Variants in ZNF618 observed in about 807,000 individuals in gnomAD.
ZNF618 encodes zinc finger protein 618.
Under a neutral mutation model 103.0 loss-of-function variants are expected in ZNF618, and 34 were observed. The observed-to-expected ratio is 0.33, with a 90% CI of 0.25 to 0.44. ZNF618 has a LOEUF of 0.44. ZNF618 is among the 20% of genes least tolerant of loss of function. The pLI is 1.00. For synonymous variants in ZNF618, 551 were observed against 542.2 expected (o/e 1.02, Z -0.23); for missense variants, 1,059 against 1,295.4 (o/e 0.82, Z 2.80).
chr9:113,990,731 C>T (rs1048926164), intron 3 of ZNF618, among the ~76,000 whole-genome samples: 16 of 152,188 alleles, frequency 1.1e-4, no homozygotes, highest in African/African-American at 2.7e-4. Flanking sequence ...ACTAGTCACA[C>T]GGCCCCACCC....
intron 3 of ZNF618, among the ~76,000 whole-genome samples, chr9:113,995,505 C>T (rs1382483074): frequency 6.6e-6 from 1 of 152,110 alleles, no homozygotes; most frequent in East Asian, 1.9e-4. Flanking sequence ...TAATTCCTAT[C>T]TTTTGGTTTT....
At chr9:114,020,402 G>C (rs940478270) in intron 10 of ZNF618, among the ~76,000 whole-genome samples, 2 of 152,022 alleles carry the variant, frequency 1.3e-5, no homozygotes, top group African/African-American at 2.4e-5. Flanking sequence ...GATCAATTTG[G>C]GGAGAATCAT....
At chr9:113,883,992 C>A (rs954323657) in intron 1 of ZNF618, among the ~76,000 whole-genome samples, 6 of 46,556 alleles carry the variant, frequency 1.3e-4, no homozygotes, top group African/African-American at 3.9e-4. Flanking sequence ...GCCCCCCCCC[C>A]CCCCCCCCCC....
chr9:113,913,450 T>G (rs1337074726), intron 1 of ZNF618, among the ~76,000 whole-genome samples: 2 of 152,246 alleles, frequency 1.3e-5, no homozygotes, highest in Admixed American at 6.5e-5. Context: ...ACTAGCAATG[T>G]TCTTTAGCCA....
chr9:113,985,812 G>A (rs756763662), intron 2 of ZNF618, among the ~76,000 whole-genome samples: 11 of 152,224 alleles, frequency 7.2e-5, no homozygotes, highest in Non-Finnish European at 1.5e-4. Flanking sequence ...CAGTGCCACA[G>A]TTCCTAGACT....
At position 114,053,238 on chromosome 9, in the gene ZNF618, A is replaced by G. The variant is rs932510141; in HGVS notation, c.*3071A>G. The G allele has an allele frequency of 2.0e-5, 3 of 152,370 alleles. No individual in the cohort carries two copies. The highest frequency in any genetic ancestry group is 4.4e-5 in the Non-Finnish European group (3 of 68,034). The allele number at this position is 152,370 out of a possible 1,614,324, so 9.4% of individuals were successfully genotyped here. ...ATCTCCAACAATATCCACCTCACCA[A>G]ATTCTAGTTCAGCCAAAGGATTGAG... On this transcript the variant is annotated 3_prime_UTR_variant, in exon 15 of 15. Transcript: ENST00000374126.
At chr9:113,967,960 C>T (rs1294100832) in intron 1 of ZNF618, among the ~76,000 whole-genome samples, 1 of 151,844 alleles carries the variant, frequency 6.6e-6, no homozygotes, top group East Asian at 1.9e-4. Flanking sequence ...TTATACATTG[C>T]CGATTTGTTT....
chr9:114,047,675 A>G (rs150532568), intron 13 of ZNF618, among the ~76,000 whole-genome samples: 34 of 152,294 alleles, frequency 2.2e-4, no homozygotes, highest in African/African-American at 8.2e-4. Flanking sequence ...CTTACCAGCA[A>G]TAGTGTAATG....
intron 2 of ZNF618, among the ~76,000 whole-genome samples, chr9:113,978,239 C>T (rs144549444): frequency 0.01 from 1,578 of 152,346 alleles, 46 homozygotes; most frequent in Admixed American, 0.055. Flanking sequence ...GCATGGGCCT[C>T]GCTCCTGTCA....
At position 113,903,477 on chromosome 9, in the gene ZNF618, T is replaced by C. The variant is rs559389411; in HGVS notation, c.33+27064T>C. On this transcript the variant is annotated intron_variant, in intron 1 of 14. Transcript: ENST00000374126. ...TTAGCCCCAATAAATCTGCCTCTGT[T>C]TTTTTTTTTTAATCAACACTCAGTA... is the stretch of plus-strand genomic sequence containing the variant. Among the ~76,000 whole-genome samples the C allele has an allele frequency of 1.5e-3, 221 of 149,152 alleles. 1 individual carries two copies. The highest frequency in any genetic ancestry group is 5.1e-3 in the African/African-American group (206 of 40,296).
chr9:114,012,364 AG>A (rs1657861128), intron 9 of ZNF618, among the ~76,000 whole-genome samples: 1 of 152,172 alleles, frequency 6.6e-6, no homozygotes, highest in Non-Finnish European at 1.5e-5. Context: ...TGAAAGAGAG[AG>A]AGAGCAAGCT....
chr9:114,050,304 T>A lies in ZNF618; in HGVS notation c.*137T>A. The A allele has an allele frequency of 9.1e-7, 1 of 1,098,902 alleles. No homozygotes were observed. The highest frequency in any genetic ancestry group is 1.3e-6 in the Non-Finnish European group (1 of 786,484). 68.1% of individuals were successfully genotyped at this position (1,098,902 alleles called of 1,614,324 possible). A position where few individuals can be genotyped will look rare whatever the true frequency, so the allele number is the denominator to read the frequency against. ...TATAAATGCCCCCTGGAAACTTAAG[T>A]GCTTTTTTTATATGTGTGTGTGTGC... On this transcript the variant is annotated 3_prime_UTR_variant, in exon 15 of 15. Transcript: ENST00000374126.
At chr9:114,012,569 A>G (rs146873697) in intron 9 of ZNF618, among the ~76,000 whole-genome samples, 2 of 152,352 alleles carry the variant, frequency 1.3e-5, no homozygotes, top group Non-Finnish European at 2.9e-5. Context: ...AAAGGGAGCC[A>G]GAAGTTGTAT....
intron 9 of ZNF618, among the ~76,000 whole-genome samples, chr9:114,012,857 G>A (rs1842368902): frequency 6.6e-6 from 1 of 152,028 alleles, no homozygotes; most frequent in Non-Finnish European, 1.5e-5. Flanking sequence ...AGATCTAATA[G>A]AAGAAAAATT....
chr9:113,897,101 C>CA (rs1487701072), intron 1 of ZNF618, among the ~76,000 whole-genome samples: 10 of 152,164 alleles, frequency 6.6e-5, no homozygotes, highest in Non-Finnish European at 1.0e-4. Context: ...CTTAAAAACT[C>CA]AGAGTCTTGA....
intron 2 of ZNF618, among the ~76,000 whole-genome samples, chr9:113,970,949 G>C (rs1292137361): frequency 7.0e-6 from 1 of 142,960 alleles, no homozygotes; most frequent in Non-Finnish European, 1.5e-5. Context: ...TTATGGGATG[G>C]GCACACTAGA....
intron 2 of ZNF618, 38 bp from the exon 3 acceptor site, chr9:113,988,283 G>C (rs1839683531): frequency 6.3e-7 from 1 of 1,583,442 alleles, no homozygotes; most frequent in East Asian, 2.2e-5. Flanking sequence ...TGTTGATCTG[G>C]AGGAAGAAGG....
At chr9:113,938,487 A>G (rs10982009) in intron 1 of ZNF618, among the ~76,000 whole-genome samples, 28,366 of 151,460 alleles carry the variant, frequency 0.19, 3,353 homozygotes, top group South Asian at 0.38. Flanking sequence ...CAACCCATGC[A>G]TATTTCTTAA....
intron 12 of ZNF618, among the ~76,000 whole-genome samples, chr9:114,034,604 A>AG (rs1254804642): frequency 6.6e-6 from 1 of 152,108 alleles, no homozygotes; most frequent in African/African-American, 2.4e-5. Flanking sequence ...GGCTCAGGAG[A>AG]GGTGGATTGC....
Sources: allele counts gnomAD v4.1 joint callset (sites outside exome capture counted in the v4.1 genomes callset), GRCh38; gene constraint gnomAD v4.1.1; transcripts MANE v1.5; gene names NCBI Gene and HGNC (gene_info 2026-07-23, HGNC 2026-07-21).